ADGRL2: variants seen among roughly 807,000 people sequenced by gnomAD.
ADGRL2 encodes the protein calcium-independent alpha-latrotoxin receptor 2.
Under a neutral mutation model 157.4 loss-of-function variants are expected in ADGRL2, and 44 were observed. The ratio of observed to expected loss-of-function variants is 0.28; its 90% CI spans 0.22 to 0.36. The LOEUF (loss-of-function observed/expected upper bound fraction) is 0.36, where lower values mean the gene tolerates loss of function less well. ADGRL2 is among the 10% of genes least tolerant of loss of function. The pLI is 1.00. For missense variants in ADGRL2, 1,510 were observed against 1,768.9 expected, an observed-to-expected ratio of 0.85 and a Z score of 2.63; for synonymous variants, 585 against 624.7, an observed-to-expected ratio of 0.94 and a Z score of 0.95.
intron 2 of ADGRL2, among the ~76,000 whole-genome samples, chr1:81,528,214 A>G (rs1252558096): frequency 6.6e-6 from 1 of 152,204 alleles, no homozygotes; most frequent in Non-Finnish European, 1.5e-5. Context: ...TAAATTAACC[A>G]GTTTTAGATA....
chr1:81,542,326 G>C (rs1242517427), intron 2 of ADGRL2, among the ~76,000 whole-genome samples: 4 of 152,184 alleles, frequency 2.6e-5, no homozygotes, highest in Admixed American at 2.6e-4. Context: ...CATTCCCAGA[G>C]TGCCTTTTGC....
At chr1:81,454,653 T>C (rs1196492116) in intron 2 of ADGRL2, among the ~76,000 whole-genome samples, 5 of 152,120 alleles carry the variant, frequency 3.3e-5, no homozygotes, top group African/African-American at 1.2e-4. Flanking sequence ...GAAAAACACC[T>C]GGTGGGAGCA....
At chr1:81,348,605 A>C (rs1662652377) in intron 1 of ADGRL2, among the ~76,000 whole-genome samples, 1 of 152,320 alleles carries the variant, frequency 6.6e-6, no homozygotes. Flanking sequence ...GAAATGTTAA[A>C]AAAAGAAAGA....
intron 1 of ADGRL2, among the ~76,000 whole-genome samples, chr1:81,432,172 T>C (rs529532113): frequency 2.0e-5 from 3 of 152,294 alleles, no homozygotes; most frequent in South Asian, 4.1e-4. Flanking sequence ...GGGAAACATA[T>C]ATTTGGGCTT....
intron 3 of ADGRL2, among the ~76,000 whole-genome samples, chr1:81,688,794 G>A (rs1357659730): frequency 6.6e-6 from 1 of 152,084 alleles, no homozygotes; most frequent in African/African-American, 2.4e-5. Flanking sequence ...TCTTATTTGG[G>A]GCGGCTCTAT....
intron 8 of ADGRL2, among the ~76,000 whole-genome samples, chr1:81,951,619 A>G (rs946434862): frequency 6.6e-6 from 1 of 152,220 alleles, no homozygotes; most frequent in South Asian, 2.1e-4. Context: ...TGCTGATTAC[A>G]TACTGACTTA....
intron 1 of ADGRL2, among the ~76,000 whole-genome samples, chr1:81,713,611 C>A (rs879837977): frequency 4.6e-5 from 7 of 152,292 alleles, no homozygotes; most frequent in Admixed American, 4.6e-4. Context: ...GTAAGTTGAT[C>A]TTATTGTCCC....
Position 81,507,801 on chromosome 1 carries a change from A to G in ADGRL2, c.-248+62712A>G, listed in dbSNP as rs193011759. Among the ~76,000 whole-genome samples the G allele has an allele frequency of 1.4e-3, 213 of 152,356 alleles. 1 individual carries two copies. The highest frequency in any genetic ancestry group is 2.4e-3 in the Non-Finnish European group (162 of 68,032). ...AAAGGTAGAAAGTTTATGCTACCTT[A>G]TGCTACCTAAGGACATATCCCATTT... On this transcript the variant is annotated intron_variant, in intron 2 of 24. Coordinates refer to the ADGRL2 transcript ENST00000370721.
intron 1 of ADGRL2, among the ~76,000 whole-genome samples, chr1:81,321,305 T>G (rs1160809666): frequency 6.6e-6 from 1 of 152,200 alleles, no homozygotes; most frequent in African/African-American, 2.4e-5. Flanking sequence ...CTATTTTGCT[T>G]TCTTACCATT....
intron 2 of ADGRL2, among the ~76,000 whole-genome samples, chr1:81,881,133 T>C (rs2093975859): frequency 6.6e-6 from 1 of 152,172 alleles, no homozygotes. Flanking sequence ...GAACTTTATA[T>C]ATATATATTT....
intron 3 of ADGRL2, among the ~76,000 whole-genome samples, chr1:81,626,462 C>T (rs1054916558): frequency 3.9e-5 from 6 of 152,130 alleles, no homozygotes; most frequent in African/African-American, 1.4e-4. Flanking sequence ...CAAGCCACCA[C>T]ACCCAGCTAA....
At chr1:81,850,531 A>G (rs709708) in intron 2 of ADGRL2, among the ~76,000 whole-genome samples, 19,236 of 151,948 alleles carry the variant, frequency 0.13, 1,296 homozygotes, top group Admixed American at 0.21. Flanking sequence ...TTCCTCCCAT[A>G]GCACAAATGA....
At chr1:81,874,824 G>A (rs2093794714) in intron 2 of ADGRL2, among the ~76,000 whole-genome samples, 1 of 151,906 alleles carries the variant, frequency 6.6e-6, no homozygotes, top group Non-Finnish European at 1.5e-5. Context: ...TCCTGCTTCA[G>A]CCTCTCTAGT....
At chr1:81,847,057 C>T (rs1307356796) in intron 2 of ADGRL2, among the ~76,000 whole-genome samples, 1 of 150,858 alleles carries the variant, frequency 6.6e-6, no homozygotes, top group African/African-American at 2.4e-5. Context: ...AACATTTCTC[C>T]AGTTGGAAGG....
intron 3 of ADGRL2, among the ~76,000 whole-genome samples, chr1:81,918,738 A>AT (rs1193033471): frequency 6.6e-6 from 1 of 152,124 alleles, no homozygotes; most frequent in Non-Finnish European, 1.5e-5. Context: ...GTAAACTGAA[A>AT]TTTTTACATG....
At chr1:81,512,771 A>G (rs1437497584) in intron 2 of ADGRL2, among the ~76,000 whole-genome samples, 4 of 152,190 alleles carry the variant, frequency 2.6e-5, no homozygotes, top group Admixed American at 2.6e-4. Context: ...ACTGTTTTGT[A>G]GCAACTCAAT....
At chr1:81,890,406 T>G (rs993916787) in intron 2 of ADGRL2, among the ~76,000 whole-genome samples, 6 of 152,204 alleles carry the variant, frequency 3.9e-5, no homozygotes, top group Non-Finnish European at 1.5e-5. Context: ...ATTTGTTTCT[T>G]TTATAGAAAA....
intron 1 of ADGRL2, among the ~76,000 whole-genome samples, chr1:81,378,840 C>T (rs922025026): frequency 6.6e-6 from 1 of 152,066 alleles, no homozygotes; most frequent in Non-Finnish European, 1.5e-5. Flanking sequence ...AGTTAACATC[C>T]AATAATGCAA....
intron 1 of ADGRL2, among the ~76,000 whole-genome samples, chr1:81,757,723 G>A (rs186763523): frequency 6.6e-6 from 1 of 152,288 alleles, no homozygotes; most frequent in East Asian, 1.9e-4. Flanking sequence ...TTTGGCTGAA[G>A]TTTTTATTTT....
Sources: allele counts gnomAD v4.1 joint callset (sites outside exome capture counted in the v4.1 genomes callset), GRCh38; gene constraint gnomAD v4.1.1; transcripts MANE v1.5; gene names NCBI Gene and HGNC (gene_info 2026-07-23, HGNC 2026-07-21).